Variants in ABLIM3 observed in about 807,000 individuals in gnomAD.
ABLIM3 encodes actin binding LIM protein family member 3, also known as actin-binding LIM protein 3.
A neutral mutation model predicts 109.5 loss-of-function variants in ABLIM3; 61 were observed. The ratio of observed to expected loss-of-function variants is 0.56; its 90% CI spans 0.45 to 0.69. The LOEUF is 0.69. ABLIM3 is among the 30% of genes least tolerant of loss of function. The pLI, the probability that ABLIM3 is intolerant of heterozygous loss-of-function variation, is 0.00. For synonymous variants in ABLIM3, 300 were observed against 324.8 expected, an observed-to-expected ratio of 0.92 and a Z score of 0.82; for missense variants, 796 against 889.5, an observed-to-expected ratio of 0.89 and a Z score of 1.34.
At chr5:149,152,265 C>A (rs928996768) in intron 2 of ABLIM3, among the ~76,000 whole-genome samples, 1 of 152,108 alleles carries the variant, frequency 6.6e-6, no homozygotes, top group Non-Finnish European at 1.5e-5. Context: ...TTTATGTCAC[C>A]TTGCCACTGC....
rs1017750102 is a variant in ABLIM3, at chr5:149,258,591, T to C, written c.*187T>C. The C allele has an allele frequency of 8.1e-6, 11 of 1,354,510 alleles. No individual in the cohort carries two copies. In the African/African-American group the frequency reaches 1.2e-4, roughly 15 times the overall value. The allele number at this position is 1,354,510 out of a possible 1,614,324, so 83.9% of individuals were successfully genotyped here. Reference sequence around the variant, plus strand: ...TGCTCCTTACTTTCTCTTTTCTAAGTGCTGTGGGATCTGGGAAGGGATTTG... The same window carrying C: ...TGCTCCTTACTTTCTCTTTTCTAAGCGCTGTGGGATCTGGGAAGGGATTTG... On this transcript the variant is annotated 3_prime_UTR_variant, in exon 24 of 24. Transcript: ENST00000309868.
At chr5:149,183,046 T>C (rs921940606) in intron 2 of ABLIM3, among the ~76,000 whole-genome samples, 3 of 152,234 alleles carry the variant, frequency 2.0e-5, no homozygotes, top group African/African-American at 7.2e-5. Flanking sequence ...AGCCACCCAC[T>C]TCTTTGAAAC....
chr5:149,208,608 G>A (rs983446410), intron 6 of ABLIM3, among the ~76,000 whole-genome samples: 1 of 152,272 alleles, frequency 6.6e-6, no homozygotes, highest in Non-Finnish European at 1.5e-5. Flanking sequence ...GTCTGCCTCT[G>A]ATTTGGCCAC....
At chr5:149,252,287 C>T in intron 22 of ABLIM3, 79 bp downstream of exon 22, 1 of 1,525,434 alleles carries the variant, frequency 6.6e-7, no homozygotes. Flanking sequence ...AGGATGACAG[C>T]ACTGTCTATG....
chr5:149,168,730 T>C (rs1050667569), intron 2 of ABLIM3, among the ~76,000 whole-genome samples: 2 of 152,238 alleles, frequency 1.3e-5, no homozygotes, highest in Admixed American at 1.3e-4. Flanking sequence ...CTTTGTAATA[T>C]TTGAAGGATA....
chr5:149,168,094 T>C (rs1754991712), intron 2 of ABLIM3, among the ~76,000 whole-genome samples: 1 of 152,140 alleles, frequency 6.6e-6, no homozygotes, highest in South Asian at 2.1e-4. Flanking sequence ...ACCAAAAATG[T>C]CTTCAGGCAT....
chr5:149,239,585 C>A (rs1752582050), intron 12 of ABLIM3, among the ~76,000 whole-genome samples, 174 bp from the exon 13 acceptor site: 1 of 152,122 alleles, frequency 6.6e-6, no homozygotes. Flanking sequence ...CCTGGAAATT[C>A]TCTGCCATCT....
At chr5:149,216,809 G>T in intron 7 of ABLIM3, 150 bp from the exon 8 acceptor site, 1 of 651,844 alleles carries the variant, frequency 1.5e-6, no homozygotes, top group Non-Finnish European at 2.7e-6. Context: ...CTTTTAGATG[G>T]TTGTGGACTC....
intron 10 of ABLIM3, among the ~76,000 whole-genome samples, chr5:149,234,255 A>T (rs1464190058): frequency 6.6e-6 from 1 of 152,222 alleles, no homozygotes. Context: ...AAGCTAAAGG[A>T]GGTGGGAAAC....
At chr5:149,249,792 C>T (rs767283072) in intron 18 of ABLIM3, 23 bp from the exon 19 acceptor site, 1 of 1,614,126 alleles carries the variant, frequency 6.2e-7, no homozygotes, top group South Asian at 1.1e-5. Context: ...TGAGCAATGA[C>T]CTTCAGCTTT....
At chr5:149,211,460 T>C (rs575463619) in intron 7 of ABLIM3, among the ~76,000 whole-genome samples, 4 of 152,192 alleles carry the variant, frequency 2.6e-5, no homozygotes, top group South Asian at 4.1e-4. Flanking sequence ...CCTTGATGAA[T>C]TAGAAACAGG....
intron 17 of ABLIM3, 42 bp from the exon 18 acceptor site, chr5:149,247,740 T>C: frequency 6.2e-7 from 1 of 1,613,880 alleles, no homozygotes; most frequent in African/African-American, 1.3e-5. Flanking sequence ...CAGTGTCCTT[T>C]GTTTTCCTTC....
At chr5:149,146,844 T>C (rs1214410176) in intron 2 of ABLIM3, among the ~76,000 whole-genome samples, 1 of 152,252 alleles carries the variant, frequency 6.6e-6, no homozygotes, top group Admixed American at 6.5e-5. Context: ...TTTCTAATTC[T>C]GTAAAAAATG....
intron 2 of ABLIM3, among the ~76,000 whole-genome samples, chr5:149,155,240 C>T (rs1362949427): frequency 6.6e-6 from 1 of 152,122 alleles, no homozygotes; most frequent in African/African-American, 2.4e-5. Flanking sequence ...CCAGGGGAAA[C>T]ATGGATTGGG....
chr5:149,145,299 A>G (rs929331006), intron 2 of ABLIM3, among the ~76,000 whole-genome samples: 3 of 152,194 alleles, frequency 2.0e-5, no homozygotes, highest in Non-Finnish European at 2.9e-5. Context: ...AGTTGCATCT[A>G]TGTTGCTGCA....
At chr5:149,247,579 C>T (rs1753502221) in intron 17 of ABLIM3, 1 of 761,646 alleles carries the variant, frequency 1.3e-6, no homozygotes, top group South Asian at 1.5e-5. Context: ...CAGACCCCCA[C>T]CCAGACCACA....
chr5:149,239,111 T>G, intron 11 of ABLIM3, 137 bp from the exon 12 acceptor site: 1 of 803,300 alleles, frequency 1.2e-6, no homozygotes, highest in Non-Finnish European at 2.1e-6. Flanking sequence ...AGCGAGGCTG[T>G]TATCTGGAGA....
At chr5:149,180,026 T>G (rs1483917746) in intron 2 of ABLIM3, among the ~76,000 whole-genome samples, 4 of 152,168 alleles carry the variant, frequency 2.6e-5, no homozygotes, top group Admixed American at 6.5e-5. Flanking sequence ...CAGAAATCAA[T>G]CACATAATCT....
intron 11 of ABLIM3, 128 bp from the exon 12 acceptor site, chr5:149,239,120 G>A (rs1752533546): frequency 1.2e-6 from 1 of 866,518 alleles, no homozygotes; most frequent in East Asian, 2.5e-5. Flanking sequence ...GTTATCTGGA[G>A]AGGGGTACAA....
Sources: allele counts gnomAD v4.1 joint callset (sites outside exome capture counted in the v4.1 genomes callset), GRCh38; gene constraint gnomAD v4.1.1; transcripts MANE v1.5; gene names NCBI Gene and HGNC (gene_info 2026-07-23, HGNC 2026-07-21).